CACNA2D1: variants seen among roughly 807,000 people sequenced by gnomAD.
CACNA2D1 encodes voltage-dependent calcium channel subunit alpha-2/delta-1.
CACNA2D1 carries 53 observed loss-of-function variants against 171.5 expected under a neutral mutation model. The observed-to-expected ratio is 0.31, with a 90% CI of 0.25 to 0.39. The LOEUF (loss-of-function observed/expected upper bound fraction) is 0.39. CACNA2D1 is among the 10% of genes least tolerant of loss of function. The probability of loss-of-function intolerance (pLI) is 1.00; values close to 1 mark genes in which losing one functional copy is unlikely to be tolerated. For synonymous variants in CACNA2D1, 442 were observed against 443.1 expected, an observed-to-expected ratio of 1.00 and a Z score of 0.03; for missense variants, 903 against 1,299.8, an observed-to-expected ratio of 0.69 and a Z score of 4.69.
intron 3 of CACNA2D1, among the ~76,000 whole-genome samples, chr7:82,262,739 C>A (rs1807291254): frequency 6.6e-6 from 1 of 152,094 alleles, no homozygotes; most frequent in Non-Finnish European, 1.5e-5. Flanking sequence ...GCCATAAAAA[C>A]CAGAATTCCT....
chr7:82,150,257 TAA>T (rs565121488), intron 4 of CACNA2D1, among the ~76,000 whole-genome samples: 4 of 92,868 alleles, frequency 4.3e-5, no homozygotes, highest in African/African-American at 1.5e-4. Flanking sequence ...TAGATCAAAT[TAA>T]AAAAAAAAAA....
intron 10 of CACNA2D1, chr7:82,051,176 A>T (rs1805157700): frequency 6.5e-6 from 1 of 154,164 alleles, no homozygotes; most frequent in Non-Finnish European, 1.4e-5. Context: ...GTTTATATAG[A>T]CAAATAATAA....
intron 1 of CACNA2D1, among the ~76,000 whole-genome samples, chr7:82,426,645 C>T (rs750059094): frequency 3.3e-5 from 5 of 152,060 alleles, no homozygotes; most frequent in East Asian, 1.9e-4. Flanking sequence ...TACAATTTTC[C>T]GTTTGCAAAG....
chr7:82,363,025 T>TAAAATAA (rs1821247219), intron 1 of CACNA2D1, among the ~76,000 whole-genome samples: 1 of 152,060 alleles, frequency 6.6e-6, no homozygotes, highest in African/African-American at 2.4e-5. Flanking sequence ...GGCAACCCCC[T>TAAAATAA]GAAATAAGAC....
At chr7:82,386,939 A>G (rs1351395792) in intron 1 of CACNA2D1, among the ~76,000 whole-genome samples, 1 of 151,998 alleles carries the variant, frequency 6.6e-6, no homozygotes, top group East Asian at 1.9e-4. Context: ...TCAAGTAAAT[A>G]TAATTACATC....
At chr7:82,304,530 G>C (rs1813466877) in intron 3 of CACNA2D1, among the ~76,000 whole-genome samples, 1 of 152,048 alleles carries the variant, frequency 6.6e-6, no homozygotes, top group Admixed American at 6.6e-5. Flanking sequence ...CACAAAAAAA[G>C]AATGAAATTT....
chr7:82,100,122 A>C (rs2129034081), intron 6 of CACNA2D1, among the ~76,000 whole-genome samples: 1 of 152,324 alleles, frequency 6.6e-6, no homozygotes, highest in African/African-American at 2.4e-5. Context: ...ACATCTACAC[A>C]CTGCAAAAAC....
At chr7:81,980,750 T>C (rs1019522415) in intron 24 of CACNA2D1, among the ~76,000 whole-genome samples, 1 of 152,080 alleles carries the variant, frequency 6.6e-6, no homozygotes, top group Non-Finnish European at 1.5e-5. Flanking sequence ...GCAGCTGAGA[T>C]TGACAGATAC....
intron 6 of CACNA2D1, among the ~76,000 whole-genome samples, chr7:82,107,405 C>T (rs987941944): frequency 3.3e-5 from 5 of 152,026 alleles, no homozygotes; most frequent in East Asian, 1.9e-4. Context: ...AGACAGGTAA[C>T]GACTAACCAT....
chr7:82,058,291 A>G (rs1172497125), intron 10 of CACNA2D1, among the ~76,000 whole-genome samples: 3 of 152,128 alleles, frequency 2.0e-5, no homozygotes, highest in African/African-American at 7.2e-5. Context: ...TGAATCTGCA[A>G]GTGAGATTCA....
chr7:82,101,725 T>G (rs567641710), intron 6 of CACNA2D1, among the ~76,000 whole-genome samples: 1 of 152,318 alleles, frequency 6.6e-6, no homozygotes, highest in Admixed American at 6.5e-5. Context: ...ATGTCTTATT[T>G]TATTGATAGT....
chr7:82,036,680 G>A (rs1803322470), intron 11 of CACNA2D1, among the ~76,000 whole-genome samples: 1 of 152,128 alleles, frequency 6.6e-6, no homozygotes, highest in Non-Finnish European at 1.5e-5. Context: ...CCAGCACTAT[G>A]ACAGGAAATG....
At position 82,104,429 on chromosome 7, in the gene CACNA2D1, T is replaced by G. The variant is rs1223330575; in HGVS notation, c.526+12615A>C. 2.0e-5 allele frequency among the ~76,000 whole-genome samples: 3 copies of G among 152,170 alleles called. No individual in the cohort carries two copies. In the East Asian group the frequency reaches 5.8e-4, roughly 29 times the overall value. On this transcript the variant is annotated intron_variant, in intron 6 of 38. Transcript: ENST00000356860. ...TAGTCACCTCATACATGTTTTCTTT[T>G]AATCCACATTACAGTCCTTTGAGGT...
rs796161747 is a variant in CACNA2D1, at chr7:82,150,282, C to CA, written c.355-13607dup. 1.4e-3 allele frequency among the ~76,000 whole-genome samples: 140 copies of CA among 103,214 alleles called. 5 individuals carry two copies. The highest frequency in any genetic ancestry group is 2.0e-3 in the East Asian group (7 of 3,458). 67.7% of individuals were successfully genotyped at this position (103,214 alleles called of 152,430 possible). ...TAAAAAAAAAAAACAAAAACAACAACAAAAAAAAACACCCTAGTAGCTGGG... is the reference window on the plus strand; with the variant it reads ...TAAAAAAAAAAAACAAAAACAACAACAAAAAAAAAACACCCTAGTAGCTGGG... On this transcript the variant is annotated intron_variant, in intron 4 of 38. Coordinates refer to ENST00000356860, the MANE Select transcript of CACNA2D1 (RefSeq NM_000722.4).
chr7:81,991,866 G>A (rs889808737), intron 20 of CACNA2D1, among the ~76,000 whole-genome samples: 2 of 149,664 alleles, frequency 1.3e-5, no homozygotes, highest in African/African-American at 2.5e-5. Flanking sequence ...ACGGAGTATC[G>A]CTCTGTCACC....
intron 10 of CACNA2D1, among the ~76,000 whole-genome samples, chr7:82,059,624 A>G (rs185270661): frequency 3.9e-5 from 6 of 152,146 alleles, no homozygotes; most frequent in Admixed American, 6.6e-5. Context: ...TTTTATTTAT[A>G]GTCATTACTT....
intron 1 of CACNA2D1, among the ~76,000 whole-genome samples, chr7:82,425,168 T>C (rs1350666142): frequency 6.6e-6 from 1 of 152,208 alleles, no homozygotes; most frequent in Non-Finnish European, 1.5e-5. Context: ...TGATCTAACT[T>C]AATCAGCTGA....
At chr7:82,139,701 A>G (rs541207356) in intron 4 of CACNA2D1, among the ~76,000 whole-genome samples, 12 of 152,052 alleles carry the variant, frequency 7.9e-5, no homozygotes, top group African/African-American at 2.6e-4. Flanking sequence ...ACAAATATAT[A>G]TTAGTTATAA....
chr7:82,210,219 C>A (rs947731848), intron 3 of CACNA2D1, among the ~76,000 whole-genome samples: 23 of 152,016 alleles, frequency 1.5e-4, no homozygotes, highest in Non-Finnish European at 7.4e-5. Flanking sequence ...CAAAACAGTT[C>A]TCCTTAAAAT....
Sources: gnomAD v4.1 joint callset for allele counts (sites outside exome capture counted in the v4.1 genomes callset) on GRCh38, gnomAD v4.1.1 for gene constraint, MANE v1.5 for transcripts, NCBI Gene and HGNC (gene_info 2026-07-23, HGNC 2026-07-21) for gene names.